The following NLGN4X variants were observed in gnomAD, a reference collection of about 807,000 sequenced individuals.
The protein encoded by NLGN4X is neuroligin-4, X-linked.
A neutral mutation model predicts 40.3 loss-of-function variants in NLGN4X; 3 were observed. The observed-to-expected ratio is 0.07, with a 90% confidence interval of 0.03 to 0.19. The LOEUF (loss-of-function observed/expected upper bound fraction) is 0.19, where lower values mean the gene tolerates loss of function less well. Among genes scored for constraint, NLGN4X ranks in the 10% least tolerant of loss-of-function variants. The pLI is 1.00. For synonymous variants in NLGN4X, 270 were observed against 306.8 expected, an observed-to-expected ratio of 0.88 and a Z score of 1.25; for missense variants, 382 against 708.3, an observed-to-expected ratio of 0.54 and a Z score of 5.23.
chrX:6,136,416 G>T lies in NLGN4X; in HGVS notation c.472+14579C>A, dbSNP rs139932155. On this transcript the variant is annotated intron_variant, in intron 2 of 5. Coordinates refer to ENST00000381095, the MANE Select transcript of NLGN4X (RefSeq NM_181332.3). ...CTGATGAAGGTGTTGGCCTGAGCTG[G>T]GGTCTCATTTTAAAGCTGAATAACT... 9.2e-3 allele frequency among the ~76,000 whole-genome samples: 1,032 copies of T among 111,880 alleles called. 8 individuals carry two copies. Among genetic ancestry groups the T allele is most frequent in the African/African-American group, 0.032 (989 of 30,807 alleles).
At chrX:5,973,023 A>T (rs1195853395) in intron 3 of NLGN4X, among the ~76,000 whole-genome samples, 5 of 112,751 alleles carry the variant, frequency 4.4e-5, no homozygotes, top group Non-Finnish European at 9.4e-5. Context: ...CTTTTAATAA[A>T]CCAACAAGAG....
chrX:6,035,004 G>A (rs1000152326), intron 2 of NLGN4X, among the ~76,000 whole-genome samples: 12 of 111,943 alleles, frequency 1.1e-4, no homozygotes, highest in African/African-American at 3.9e-4. Context: ...ACTGCACCTG[G>A]CCTCATTGTA....
At chrX:6,055,266 G>A (rs776454087) in intron 2 of NLGN4X, among the ~76,000 whole-genome samples, 62 of 112,054 alleles carry the variant, frequency 5.5e-4, no homozygotes, top group East Asian at 1.7e-3. Flanking sequence ...AGGCCTAGCC[G>A]GGAGGATCAT....
intron 3 of NLGN4X, among the ~76,000 whole-genome samples, chrX:5,972,131 A>G (rs1403001373): frequency 5.7e-5 from 6 of 105,852 alleles, no homozygotes; most frequent in African/African-American, 1.9e-4. Context: ...ATGTGCACAC[A>G]CAGGCACACA....
rs2031160144 is a variant in NLGN4X, at chrX:5,891,366, G to A, written c.*1451C>T. ...CCGGATACACAAATCCACAAAAAGT[G>A]ATGTTTTCAGACAATCATATGTTTG... On this transcript the variant is annotated 3_prime_UTR_variant, in exon 6 of 6. Coordinates refer to ENST00000381095, the MANE Select transcript of NLGN4X (RefSeq NM_181332.3). 1 of 215,986 alleles carries A rather than the reference G, an allele frequency of 4.6e-6. No homozygotes were observed. The highest frequency in any genetic ancestry group is 8.4e-6 in the Non-Finnish European group (1 of 119,171). 17.8% of individuals were successfully genotyped at this position (215,986 alleles called of 1,213,427 possible). A position where few individuals can be genotyped will look rare whatever the true frequency, so the allele number is the denominator to read the frequency against.
At chrX:6,121,743 C>T (rs2039429029) in intron 2 of NLGN4X, among the ~76,000 whole-genome samples, 1 of 112,402 alleles carries the variant, frequency 8.9e-6, no homozygotes, top group Non-Finnish European at 1.9e-5. Context: ...TTTGAAGTCG[C>T]CATACAAAAT....
chrX:6,189,924 T>G (rs1174031544), intron 1 of NLGN4X, among the ~76,000 whole-genome samples: 2 of 110,315 alleles, frequency 1.8e-5, no homozygotes, highest in Non-Finnish European at 3.8e-5. Flanking sequence ...CCAAAGGGAT[T>G]TACATAATGT....
At chrX:6,159,921 T>C (rs1237335089) in intron 1 of NLGN4X, among the ~76,000 whole-genome samples, 1 of 111,688 alleles carries the variant, frequency 9.0e-6, no homozygotes, top group South Asian at 3.7e-4. Context: ...CAGTGTGGCC[T>C]TCCAGCCTAT....
intron 3 of NLGN4X, among the ~76,000 whole-genome samples, chrX:6,001,872 A>G (rs1253682841): frequency 2.7e-5 from 3 of 111,938 alleles, no homozygotes; most frequent in Non-Finnish European, 5.6e-5. Flanking sequence ...ACATTTAAAC[A>G]TTGTTGTTGT....
intron 1 of NLGN4X, among the ~76,000 whole-genome samples, chrX:6,173,542 G>C (rs2040654551): frequency 9.0e-6 from 1 of 110,855 alleles, no homozygotes; most frequent in Middle Eastern, 4.2e-3. Context: ...TTGACTGTAG[G>C]TCCTAAGACC....
At chrX:5,933,414 A>C (rs183149171) in intron 3 of NLGN4X, among the ~76,000 whole-genome samples, 166 of 111,944 alleles carry the variant, frequency 1.5e-3, no homozygotes, top group African/African-American at 4.9e-3. Context: ...GTTTGAAAAA[A>C]GTTTATCTTG....
chrX:5,914,681 T>C (rs1181061410), intron 3 of NLGN4X, among the ~76,000 whole-genome samples: 1 of 110,347 alleles, frequency 9.1e-6, no homozygotes, highest in African/African-American at 3.3e-5. Flanking sequence ...AATGTATATG[T>C]ACACAGACAT....
intron 5 of NLGN4X, among the ~76,000 whole-genome samples, chrX:5,899,132 T>A (rs748761556): frequency 4.4e-4 from 49 of 112,553 alleles, no homozygotes; most frequent in African/African-American, 1.6e-3. Context: ...GAGATGTAAG[T>A]TCTGAGTAAC....
intron 2 of NLGN4X, among the ~76,000 whole-genome samples, chrX:6,145,638 T>C (rs2040029742): frequency 8.9e-6 from 1 of 112,267 alleles, no homozygotes; most frequent in Non-Finnish European, 1.9e-5. Flanking sequence ...ATGAAAACCA[T>C]GCTATAAATT....
chrX:6,114,521 A>AACACACACACACACAC (rs529608747), intron 2 of NLGN4X, among the ~76,000 whole-genome samples: 1 of 95,666 alleles, frequency 1.0e-5, no homozygotes, highest in Admixed American at 1.2e-4. Context: ...CAAAGTGGCA[A>AACACACACACACACAC]ACACACACAC....
intron 1 of NLGN4X, among the ~76,000 whole-genome samples, chrX:6,196,230 C>T (rs1923032821): frequency 1.8e-5 from 2 of 110,873 alleles, no homozygotes; most frequent in Non-Finnish European, 3.8e-5. Context: ...TTTTCAAATC[C>T]GATATTGCTA....
intron 1 of NLGN4X, among the ~76,000 whole-genome samples, chrX:6,205,095 T>TGC (rs1923923181): frequency 8.9e-6 from 1 of 111,865 alleles, no homozygotes. Flanking sequence ...TCTACAACCA[T>TGC]TTCTTTCAGT....
At chrX:5,904,981 A>G (rs11094874) in intron 4 of NLGN4X, among the ~76,000 whole-genome samples, 16,358 of 109,668 alleles carry the variant, frequency 0.15, 992 homozygotes, top group African/African-American at 0.19. Flanking sequence ...TTTGACCAGT[A>G]TGTCATCAAA....
chrX:6,089,219 T>G (rs1324980850), intron 2 of NLGN4X, among the ~76,000 whole-genome samples: 1 of 112,268 alleles, frequency 8.9e-6, no homozygotes, highest in Non-Finnish European at 1.9e-5. Context: ...CACTGCTCAA[T>G]AAATGTAGGT....
Sources: gnomAD v4.1 joint callset for allele counts (sites outside exome capture counted in the v4.1 genomes callset) on GRCh38, gnomAD v4.1.1 for gene constraint, MANE v1.5 for transcripts, NCBI Gene and HGNC (gene_info 2026-07-23, HGNC 2026-07-21) for gene names.